The following LRRC8C variants were observed in gnomAD, a reference collection of about 807,000 sequenced individuals.
LRRC8C encodes the protein leucine rich repeat containing 8 VRAC subunit C.
A neutral mutation model predicts 55.3 loss-of-function variants in LRRC8C; 20 were observed. The ratio of observed to expected loss-of-function variants is 0.36; its 90% CI spans 0.25 to 0.53. LRRC8C has a LOEUF of 0.53. Among genes scored for constraint, LRRC8C ranks in the 20% least tolerant of loss-of-function variants. The pLI, the probability that LRRC8C is intolerant of heterozygous loss-of-function variation, is 0.92. For missense variants in LRRC8C, 659 were observed against 951.4 expected (o/e 0.69, Z 4.04); for synonymous variants, 376 against 360.7 (o/e 1.04, Z -0.48).
At chr1:89,633,893 G>T (rs1656207223) in intron 1 of LRRC8C, among the ~76,000 whole-genome samples, 1 of 152,190 alleles carries the variant, frequency 6.6e-6, no homozygotes, top group African/African-American at 2.4e-5. Flanking sequence ...CAGAAGCCAG[G>T]TGTTTAGGCC....
chr1:89,661,786 A>T (rs1274948886), intron 1 of LRRC8C, among the ~76,000 whole-genome samples: 1 of 152,176 alleles, frequency 6.6e-6, no homozygotes, highest in African/African-American at 2.4e-5. Context: ...AAGGCAGGGC[A>T]GGAGGAAAGG....
At chr1:89,627,402 T>C in the LRRC8C span, among the ~76,000 whole-genome samples, 4 of 152,126 alleles carry the variant, frequency 2.6e-5, no homozygotes, top group East Asian at 3.8e-4. Flanking sequence ...CATGTTGCCT[T>C]AACTCGGAGC....
At chr1:89,637,311 A>ACCT (rs10671453) in intron 1 of LRRC8C, among the ~76,000 whole-genome samples, 83,409 of 150,362 alleles carry the variant, frequency 0.55, 23,486 homozygotes, top group East Asian at 0.79. Flanking sequence ...AGGAAGGAAC[A>ACCT]CCTACCTCAG....
In LRRC8C at chr1:89,713,869, C is replaced by G. The variant is rs746254719; in HGVS notation, c.1299C>G (p.Leu433=). Residue 433 remains leucine (L), a synonymous_variant, in exon 3 of 3, where the codon CTC becomes CTG. Coordinates refer to ENST00000370454, the MANE Select transcript of LRRC8C (RefSeq NM_032270.5). This position sits in a 1 kb window ranked among gnomAD's most constrained non-coding sequence, Gnocchi z 5.2. ...GACTGGAATTGCCTCTTATCATGCT[C>G]TCTGGCCTTCCAGACACTGTTTTTG... ...HNRLELPLIM[L]SGLPDTVFEI... is the part of the protein sequence containing the mutation. 21 of 1,614,062 alleles carry G rather than the reference C, an allele frequency of 1.3e-5. No individual in the cohort carries two copies. Among genetic ancestry groups the G allele is most frequent in the Non-Finnish European group, 1.8e-5 (21 of 1,180,042 alleles).
intron 2 of LRRC8C, among the ~76,000 whole-genome samples, chr1:89,698,491 T>A (rs907556660): frequency 2.0e-5 from 3 of 152,204 alleles, no homozygotes; most frequent in Non-Finnish European, 1.5e-5. Context: ...GCTTTTTTAG[T>A]GCTTAATCTT....
chr1:89,668,704 C>T (rs141862782), intron 1 of LRRC8C, among the ~76,000 whole-genome samples: 121 of 152,320 alleles, frequency 7.9e-4, no homozygotes, highest in African/African-American at 2.9e-3. Context: ...ATGCCCTTCA[C>T]AGGCTTTCCA....
chr1:89,675,372 C>T (rs1210300377), intron 1 of LRRC8C, among the ~76,000 whole-genome samples: 1 of 152,210 alleles, frequency 6.6e-6, no homozygotes, highest in Non-Finnish European at 1.5e-5. Flanking sequence ...TTGCCTTCCG[C>T]ACCCTCCTCT....
chr1:89,659,061 T>TTTTTGTGTG (rs1294718324), intron 1 of LRRC8C, among the ~76,000 whole-genome samples: 15 of 53,980 alleles, frequency 2.8e-4, no homozygotes, highest in African/African-American at 9.4e-4. Flanking sequence ...TTTTTTTTTT[T>TTTTTGTGTG]TGTGTGTGTG....
chr1:89,671,165 A>T (rs972574429), intron 1 of LRRC8C, among the ~76,000 whole-genome samples: 12 of 152,150 alleles, frequency 7.9e-5, no homozygotes, highest in Middle Eastern at 3.4e-3. Context: ...CTGGTCTCAA[A>T]TGATTCTCCC....
intron 1 of LRRC8C, among the ~76,000 whole-genome samples, chr1:89,680,189 T>C (rs1386923875): frequency 6.6e-6 from 1 of 151,904 alleles, no homozygotes; most frequent in African/African-American, 2.4e-5. Context: ...ACCATTCTCC[T>C]GTCTCAGCCT....
chr1:89,703,215 C>T (rs574382852), intron 2 of LRRC8C, among the ~76,000 whole-genome samples: 8 of 152,160 alleles, frequency 5.3e-5, no homozygotes, highest in South Asian at 4.1e-4. Context: ...AGATAGATTG[C>T]GCACTAAATA....
chr1:89,640,894 T>C (rs1034891094), intron 1 of LRRC8C, among the ~76,000 whole-genome samples: 1 of 152,196 alleles, frequency 6.6e-6, no homozygotes, highest in Non-Finnish European at 1.5e-5. Flanking sequence ...AAATAAAATA[T>C]ATAAAATTAA....
chr1:89,621,888 G>A, the LRRC8C span, among the ~76,000 whole-genome samples: 2 of 152,116 alleles, frequency 1.3e-5, no homozygotes, highest in Non-Finnish European at 2.9e-5. Flanking sequence ...TAACTAGAAT[G>A]TCTCCCTACT....
intron 1 of LRRC8C, among the ~76,000 whole-genome samples, chr1:89,653,000 C>G (rs1656832973): frequency 6.6e-6 from 1 of 152,092 alleles, no homozygotes; most frequent in Non-Finnish European, 1.5e-5. Context: ...GTGCACAGCT[C>G]TGAACAATAG....
At chr1:89,689,489 G>A (rs1408633901) in intron 2 of LRRC8C, among the ~76,000 whole-genome samples, 1 of 152,200 alleles carries the variant, frequency 6.6e-6, no homozygotes, top group Non-Finnish European at 1.5e-5. Flanking sequence ...TGTAGGGGGT[G>A]AGGATGGAAG....
At position 89,712,727 on chromosome 1, in the gene LRRC8C, A is replaced by G; in HGVS notation, c.157A>G (p.Ile53Val). The G allele has an allele frequency of 6.2e-7, 1 of 1,613,746 alleles. No individual in the cohort carries two copies. The highest frequency in any genetic ancestry group is 8.5e-7 in the Non-Finnish European group (1 of 1,179,620). The part of the protein sequence containing the change: ...CTLQVMQDKI[I>V]CLPKRVQPAQ... Reference sequence around the variant, plus strand: ...GTTTCAGGTCATGCAAGACAAGATAATCTGCCTTCCGAAAAGAGTGCAGCC... The same window carrying G: ...GTTTCAGGTCATGCAAGACAAGATAGTCTGCCTTCCGAAAAGAGTGCAGCC... Residue 53 changes from isoleucine to valine, a missense_variant, in exon 3 of 3, where the codon ATC (isoleucine) becomes GTC (valine). Ile to Val is a conservative substitution (Grantham distance 29, BLOSUM62 3). Coordinates refer to ENST00000370454, the MANE Select transcript of LRRC8C (RefSeq NM_032270.5).
chr1:89,686,426 T>C (rs1357866030), intron 1 of LRRC8C, 44 bp from the exon 2 acceptor site: 3 of 1,606,306 alleles, frequency 1.9e-6, no homozygotes, highest in African/African-American at 1.3e-5. Context: ...CAGTATGTTG[T>C]ACTGGAAGAT....
intron 1 of LRRC8C, among the ~76,000 whole-genome samples, chr1:89,640,129 A>G (rs2390763): frequency 0.56 from 84,805 of 152,102 alleles, 24,064 homozygotes; most frequent in East Asian, 0.79. Context: ...CAGTGGCACA[A>G]TCTTAGCTCA....
chr1:89,704,009 C>CA (rs781364140), intron 2 of LRRC8C, among the ~76,000 whole-genome samples: 2 of 151,970 alleles, frequency 1.3e-5, no homozygotes, highest in South Asian at 4.2e-4. Context: ...CACAAATACC[C>CA]AAAAAAGCTG....
Sources: allele counts gnomAD v4.1 joint callset (sites outside exome capture counted in the v4.1 genomes callset), GRCh38; gene constraint gnomAD v4.1.1; non-coding constraint Gnocchi (gnomAD v3.1); transcripts MANE v1.5; gene names NCBI Gene and HGNC (gene_info 2026-07-23, HGNC 2026-07-21).